The following AR variants were observed in gnomAD, a reference collection of about 807,000 sequenced individuals.
The protein encoded by AR is dihydrotestosterone receptor.
Under a neutral mutation model 53.9 loss-of-function variants are expected in AR, and 8 were observed. The observed-to-expected ratio is 0.15, with a 90% CI of 0.09 to 0.27. The LOEUF is 0.27. Among genes scored for constraint, AR ranks in the 10% least tolerant of loss-of-function variants. The pLI is 1.00. For missense variants in AR, 639 were observed against 742.5 expected, an observed-to-expected ratio of 0.86 and a Z score of 1.62; for synonymous variants, 359 against 316.4, an observed-to-expected ratio of 1.13 and a Z score of -1.43.
At chrX:67,706,003 A>C (rs2076065146) in intron 3 of AR, among the ~76,000 whole-genome samples, 1 of 111,747 alleles carries the variant, frequency 8.9e-6, no homozygotes, top group Non-Finnish European at 1.9e-5. Context: ...AGCCCACTTG[A>C]TCATGGTGGA....
intron 3 of AR, among the ~76,000 whole-genome samples, chrX:67,705,238 G>A (rs780591686): frequency 9.0e-6 from 1 of 111,520 alleles, no homozygotes; most frequent in East Asian, 2.8e-4. Context: ...ACCTTGGGCA[G>A]TATGGCCATT....
At chrX:67,584,650 G>A (rs978049860) in intron 1 of AR, among the ~76,000 whole-genome samples, 1 of 112,163 alleles carries the variant, frequency 8.9e-6, no homozygotes, top group African/African-American at 3.2e-5. Context: ...CCTCTTCGTT[G>A]GATAACTTGG....
rs775512653 is a variant in AR at position 67,651,710 on chromosome X, C to T, written c.1768+8303C>T. On this transcript the variant is annotated intron_variant, in intron 2 of 7. Transcript: ENST00000374690. The stretch of plus-strand genomic sequence containing the variant: ...GAGTAACTGAGAAACCACCAAGTAT[C>T]GCTAACATCACAGGGAACTTGTCTT... 8.9e-5 allele frequency among the ~76,000 whole-genome samples: 10 copies of T among 111,864 alleles called. No homozygotes were observed. The East Asian group carries it at 1.4e-3, about 16-fold the overall frequency.
At chrX:67,606,851 C>A (rs1923649876) in intron 1 of AR, among the ~76,000 whole-genome samples, 2 of 111,499 alleles carry the variant, frequency 1.8e-5, no homozygotes, top group Admixed American at 9.5e-5. Context: ...GAGTCTGTTG[C>A]CTACACTGAA....
chrX:67,546,171 C>A lies in AR; in HGVS notation c.1025C>A (p.Pro342Gln), dbSNP rs138454018. The change falls in exon 1 of 8, where the codon CCG becomes CAG. Residue 342 changes from proline (P) to glutamine (Q), a missense_variant. Coordinates refer to ENST00000374690, the MANE Select transcript of AR (RefSeq NM_000044.6). ...AAGSSGTLEL[P>Q]STLSLYKSGA... ...GGGAGCTCCGGGACACTTGAACTGC[C>A]GTCTACCCTGTCTCTCTACAAGTCC... The A allele has an allele frequency of 2.3e-5, 28 of 1,211,024 alleles. No homozygotes were observed. The African/African-American group carries it at 4.0e-4, about 17-fold the overall frequency.
intron 1 of AR, among the ~76,000 whole-genome samples, chrX:67,617,730 A>G (rs896632681): frequency 6.3e-5 from 7 of 111,391 alleles, no homozygotes; most frequent in African/African-American, 2.3e-4. Context: ...GTCAGGGAGA[A>G]AGGTGACTGA....
chrX:67,657,329 TC>T (rs1239323567), intron 2 of AR, among the ~76,000 whole-genome samples: 1 of 110,806 alleles, frequency 9.0e-6, no homozygotes, highest in Non-Finnish European at 1.9e-5. Context: ...AGGTGCTTTT[TC>T]TCCACATTTC....
At position 67,577,003 on chromosome X, in the gene AR, T is replaced by C. The variant is rs1039791034; in HGVS notation, c.1616+30241T>C. Among the ~76,000 whole-genome samples the C allele has an allele frequency of 3.0e-5, 3 of 100,816 alleles. No homozygotes were observed. In the Admixed American group the frequency reaches 3.1e-4, roughly 11 times the overall value. 87.5% of individuals were successfully genotyped at this position (100,816 alleles called of 115,157 possible). On this transcript the variant is annotated intron_variant, in intron 1 of 7. Coordinates refer to ENST00000374690, the MANE Select transcript of AR (RefSeq NM_000044.6). Reference sequence around the variant, plus strand: ...GTCAATGGGTTTCTCTCTCTCTCTCTCTTTTTTTTTTTTTTTTTGGATGCT... The same window carrying C: ...GTCAATGGGTTTCTCTCTCTCTCTCCCTTTTTTTTTTTTTTTTTGGATGCT...
chrX:67,664,214 G>A (rs778597924), intron 2 of AR, among the ~76,000 whole-genome samples: 5 of 111,477 alleles, frequency 4.5e-5, no homozygotes, highest in Admixed American at 9.5e-5. Context: ...TAGAGTTTCC[G>A]GTTTTTCTGC....
chrX:67,596,500 G>A (rs931560879), intron 1 of AR, among the ~76,000 whole-genome samples: 1 of 111,255 alleles, frequency 9.0e-6, no homozygotes, highest in African/African-American at 3.3e-5. Context: ...TTTTAAAATG[G>A]TTTAAAAAAT....
At chrX:67,607,267 A>G (rs1452078045) in intron 1 of AR, among the ~76,000 whole-genome samples, 1 of 110,973 alleles carries the variant, frequency 9.0e-6, no homozygotes, top group African/African-American at 3.3e-5. Flanking sequence ...ACCTCAGATG[A>G]TCCTCCCACC....
At chrX:67,686,721 C>G (rs990339948) in intron 3 of AR, among the ~76,000 whole-genome samples, 7 of 111,555 alleles carry the variant, frequency 6.3e-5, no homozygotes, top group Admixed American at 4.7e-4. Flanking sequence ...ATTTCCTTTT[C>G]TTTGCAAAGC....
At position 67,546,302 on chromosome X, in the gene AR, C is replaced by T. The variant is rs2147320482; in HGVS notation, c.1156C>T (p.Arg386Cys). Residue 386 changes from arginine (R) to cysteine (C), a missense_variant, in exon 1 of 8, where the codon CGC becomes TGC. By Grantham distance (180) the Arg-to-Cys change is radical. This residue lies in a region of AR where 423 missense variants were observed against 377.0 expected (regional missense o/e 1.12). Transcript: ENST00000374690. ...PPPPPPHPHA[R>C]IKLENPLDYG... ...TCCGCCGCCTCCCCATCCCCACGCT[C>T]GCATCAAGCTGGAGAACCCGCTGGA... The T allele has an allele frequency of 1.7e-6, 2 of 1,201,830 alleles. No homozygotes were observed. Among genetic ancestry groups the T allele is most frequent in the East Asian group, 3.0e-5 (1 of 33,328 alleles).
rs2147435323 is a variant in AR, at chrX:67,643,180, T to C, written c.1617-76T>C. ...GTCATTTATGCCTGCAGGTTAATGC[T>C]GAAGACCTGAGACTTCACTTGCCTA... On this transcript the variant is annotated intron_variant, in intron 1 of 7. Transcript: ENST00000374690. The C allele has an allele frequency of 4.4e-6, 5 of 1,132,439 alleles. No homozygotes were observed. The Admixed American group carries it at 8.7e-5, about 20-fold the overall frequency. 93.3% of individuals were successfully genotyped at this position (1,132,439 alleles called of 1,213,427 possible).
chrX:67,567,515 G>A (rs1921605198), intron 1 of AR, among the ~76,000 whole-genome samples: 1 of 111,231 alleles, frequency 9.0e-6, no homozygotes, highest in Non-Finnish European at 1.9e-5. Flanking sequence ...ATAGACATGG[G>A]TTCCTTTCAG....
chrX:67,704,468 C>T (rs944534928), intron 3 of AR, among the ~76,000 whole-genome samples: 1 of 111,679 alleles, frequency 9.0e-6, no homozygotes, highest in Non-Finnish European at 1.9e-5. Flanking sequence ...CTGTTAATAT[C>T]CTCTGCCCAC....
chrX:67,555,607 A>G (rs1259689068), intron 1 of AR, among the ~76,000 whole-genome samples: 1 of 112,483 alleles, frequency 8.9e-6, no homozygotes, highest in Non-Finnish European at 1.9e-5. Flanking sequence ...ATTGATCCTG[A>G]TGAATTGCAC....
At chrX:67,715,338 C>A (rs962997935) in intron 4 of AR, among the ~76,000 whole-genome samples, 2 of 111,195 alleles carry the variant, frequency 1.8e-5, no homozygotes, top group Non-Finnish European at 3.8e-5. Flanking sequence ...ATCTGAGGCT[C>A]CAGCCGGTCT....
At chrX:67,557,059 C>T (rs867407049) in intron 1 of AR, among the ~76,000 whole-genome samples, 1 of 110,522 alleles carries the variant, frequency 9.0e-6, no homozygotes, top group Middle Eastern at 4.7e-3. Flanking sequence ...AACAGGCTCC[C>T]TCCTCTTCAT....
Sources: allele counts gnomAD v4.1 joint callset (sites outside exome capture counted in the v4.1 genomes callset), GRCh38; gene constraint gnomAD v4.1.1; regional missense constraint gnomAD v4.1.1; transcripts MANE v1.5; gene names NCBI Gene and HGNC (gene_info 2026-07-23, HGNC 2026-07-21).